ZNF462: variants seen among roughly 807,000 people sequenced by gnomAD.
ZNF462 encodes zinc finger PBX1-interacting protein.
In ZNF462, 10 loss-of-function variants were observed where a neutral mutation model predicts 201.9. That is an observed-to-expected ratio of 0.05 (90% confidence interval 0.03 to 0.08). The LOEUF is 0.08. ZNF462 is among the 10% of genes least tolerant of loss of function. The pLI, the probability that ZNF462 is intolerant of heterozygous loss-of-function variation, is 1.00. For synonymous variants in ZNF462, 1,227 were observed against 1,193.3 expected, an observed-to-expected ratio of 1.03 and a Z score of -0.58; for missense variants, 2,523 against 3,168.3, an observed-to-expected ratio of 0.80 and a Z score of 4.89.
intron 7 of ZNF462, among the ~76,000 whole-genome samples, chr9:106,960,209 A>G (rs2131884990): frequency 1.3e-5 from 2 of 152,192 alleles, no homozygotes; most frequent in South Asian, 4.1e-4. Flanking sequence ...ATATATGCTT[A>G]TACCCAGATG....
Position 107,010,493 on chromosome 9 carries a change from G to A in ZNF462, c.7314-330G>A, listed in dbSNP as rs1418650273. Among the ~76,000 whole-genome samples the A allele has an allele frequency of 6.6e-6, 1 of 152,144 alleles. No individual in the cohort carries two copies. Among genetic ancestry groups the A allele is most frequent in the Admixed American group, 6.6e-5 (1 of 15,266 alleles). On this transcript the variant is annotated intron_variant, in intron 12 of 12. Coordinates refer to ENST00000277225, the MANE Select transcript of ZNF462 (RefSeq NM_021224.6). The surrounding 1 kb of genome is among the most constrained non-coding windows in gnomAD (Gnocchi z 4.6). ...CTCTGAGCATAAGACAATTCTTGCT[G>A]TTACCACTTATGACCCAGTAGAGAA... is the stretch of plus-strand genomic sequence containing the variant.
At chr9:106,903,847 G>T (rs549248141) in intron 1 of ZNF462, among the ~76,000 whole-genome samples, 15 of 152,292 alleles carry the variant, frequency 9.8e-5, no homozygotes, top group African/African-American at 3.4e-4. Flanking sequence ...GCAGCAGATA[G>T]TTGGTTGGTG....
intron 10 of ZNF462, among the ~76,000 whole-genome samples, chr9:106,985,703 C>T (rs1827786621): frequency 6.6e-6 from 1 of 152,068 alleles, no homozygotes; most frequent in Non-Finnish European, 1.5e-5. Context: ...AAATATAGTC[C>T]TTCTTTTCTG....
Position 106,905,732 on chromosome 9 carries a change from C to A in ZNF462, c.-30-17622C>A, listed in dbSNP as rs1175514604. 6.6e-6 allele frequency among the ~76,000 whole-genome samples: 1 copy of A among 152,146 alleles called. No homozygotes were observed. Among genetic ancestry groups the A allele is most frequent in the African/African-American group, 2.4e-5 (1 of 41,430 alleles). On this transcript the variant is annotated intron_variant, in intron 1 of 12. Transcript: ENST00000277225. This position sits in a 1 kb window ranked among gnomAD's most constrained non-coding sequence, Gnocchi z 5.9. ...GCCAGCAGTCATGAAGGGCTGGTCTCACTCTCACCGTGACCCCCGCAACAG... is the reference window on the plus strand; with the variant it reads ...GCCAGCAGTCATGAAGGGCTGGTCTAACTCTCACCGTGACCCCCGCAACAG...
At chr9:106,882,972 G>A (rs1828166274) in intron 1 of ZNF462, among the ~76,000 whole-genome samples, 1 of 152,186 alleles carries the variant, frequency 6.6e-6, no homozygotes, top group African/African-American at 2.4e-5. Flanking sequence ...ACGGAACCAG[G>A]ATGATAGTCA....
Position 107,010,741 on chromosome 9 carries a change from C to G in ZNF462, c.7314-82C>G, listed in dbSNP as rs188913075. 29 of 1,314,862 alleles carry G rather than the reference C, an allele frequency of 2.2e-5. No homozygotes were observed. Among genetic ancestry groups the G allele is most frequent in the Non-Finnish European group, 3.0e-5 (29 of 980,248 alleles). The allele number at this position is 1,314,862 out of a possible 1,614,324, so 81.4% of individuals were successfully genotyped here. On this transcript the variant is annotated intron_variant, in intron 12 of 12. Transcript: ENST00000277225. The surrounding 1 kb of genome is among the most constrained non-coding windows in gnomAD (Gnocchi z 4.6). The stretch of plus-strand genomic sequence containing the variant: ...TGAGGATCAGGAAAATAAAGACACT[C>G]GAGGGTTTTTATTATTTTTTTGTTT...
chr9:106,987,850 G>A (rs996623904), intron 10 of ZNF462, among the ~76,000 whole-genome samples: 2 of 152,150 alleles, frequency 1.3e-5, no homozygotes, highest in African/African-American at 4.8e-5. Flanking sequence ...TAAAGTGAGA[G>A]ATGAGGATCC....
intron 1 of ZNF462, among the ~76,000 whole-genome samples, chr9:106,889,801 C>T (rs1045771506): frequency 6.6e-6 from 1 of 152,160 alleles, no homozygotes; most frequent in Non-Finnish European, 1.5e-5. Flanking sequence ...ATTACCACCA[C>T]CACTAGAAGT....
chr9:106,950,342 A>G lies in ZNF462; in HGVS notation c.6427+11235A>G, dbSNP rs1439719994. Among the ~76,000 whole-genome samples, 1 of 152,204 alleles carries G rather than the reference A, an allele frequency of 6.6e-6. No homozygotes were observed. Among genetic ancestry groups the G allele is most frequent in the Non-Finnish European group, 1.5e-5 (1 of 68,038 alleles). On this transcript the variant is annotated intron_variant, in intron 7 of 12. Transcript: ENST00000277225. This position sits in a 1 kb window ranked among gnomAD's most constrained non-coding sequence, Gnocchi z 4.1. Reference sequence around the variant, plus strand: ...CACAACCAATGTGCTAGAAGTTGCAAATAGCTGCAGTCTATCTTACTTGTC... The same window carrying G: ...CACAACCAATGTGCTAGAAGTTGCAGATAGCTGCAGTCTATCTTACTTGTC...
rs1009937964 is a variant in ZNF462, at chr9:106,932,668, G to A, written c.6116+119G>A. 1 of 1,290,096 alleles carries A rather than the reference G, an allele frequency of 7.8e-7. No homozygotes were observed. 79.9% of individuals were successfully genotyped at this position (1,290,096 alleles called of 1,614,324 possible). On this transcript the variant is annotated intron_variant, in intron 5 of 12. Coordinates refer to ENST00000277225, the MANE Select transcript of ZNF462 (RefSeq NM_021224.6). This position sits in a 1 kb window ranked among gnomAD's most constrained non-coding sequence, Gnocchi z 6.8. ...GCCCCACTCATGGTTCACACCTGCTGCTATGTTACCTGGAGCCTCAGTCAC... is the reference window on the plus strand; with the variant it reads ...GCCCCACTCATGGTTCACACCTGCTACTATGTTACCTGGAGCCTCAGTCAC...
At position 106,928,229 on chromosome 9, in the gene ZNF462, G is replaced by A; in HGVS notation, c.4317G>A (p.Glu1439=). The part of the protein sequence containing the change: ...CENSIPTPFP[E]QEAECPEDAR... The stretch of plus-strand genomic sequence containing the variant: ...ACAGTATACCCACCCCTTTCCCGGA[G>A]CAGGAAGCTGAATGTCCAGAGGATG... The change falls in exon 3 of 13, where the codon GAG becomes GAA. Residue 1439 remains glutamate (E), a synonymous_variant. Transcript: ENST00000277225. This position sits in a 1 kb window ranked among gnomAD's most constrained non-coding sequence, Gnocchi z 9.3. 1 of 1,614,056 alleles carries A rather than the reference G, an allele frequency of 6.2e-7. No homozygotes were observed. The highest frequency in any genetic ancestry group is 8.5e-7 in the Non-Finnish European group (1 of 1,180,010).
chr9:106,910,362 GTTTTTTTT>G (rs1011376719), intron 1 of ZNF462, among the ~76,000 whole-genome samples: 6 of 64,806 alleles, frequency 9.3e-5, no homozygotes, highest in African/African-American at 3.7e-4. Flanking sequence ...CCTTGTTTTA[GTTTTTTTT>G]TTTTTTTTTT....
Position 106,935,677 on chromosome 9 carries a change from TG to T in ZNF462, c.6235+57del, listed in dbSNP as rs1245681030. 2 of 1,383,238 alleles carry T rather than the reference TG, an allele frequency of 1.4e-6. No individual in the cohort carries two copies. Among genetic ancestry groups the T allele is most frequent in the African/African-American group, 2.8e-5 (2 of 70,338 alleles). The allele number at this position is 1,383,238 out of a possible 1,614,324, so 85.7% of individuals were successfully genotyped here. ...TTTAGCACTCTCTGAGTTTGAAACC[TG>T]ATGATCTTTATTGAGTGAAATACTG... On this transcript the variant is annotated intron_variant, in intron 6 of 12. Transcript: ENST00000277225. The surrounding 1 kb of genome is among the most constrained non-coding windows in gnomAD (Gnocchi z 4.1).
chr9:106,977,299 C>A lies in ZNF462; in HGVS notation c.6832+3026C>A, dbSNP rs145947752. Among the ~76,000 whole-genome samples the A allele has an allele frequency of 1.6e-3, 234 of 147,580 alleles. 13 individuals carry two copies. Among genetic ancestry groups the A allele is most frequent in the African/African-American group, 6.2e-3 (229 of 37,126 alleles). ...CCTCTTCCTGCTCTATCCATGACAT[C>A]CTTGGTCTCTCAGGTCCACAGTACA... On this transcript the variant is annotated intron_variant, in intron 9 of 12. Coordinates refer to ENST00000277225, the MANE Select transcript of ZNF462 (RefSeq NM_021224.6). The surrounding 1 kb of genome is among the most constrained non-coding windows in gnomAD (Gnocchi z 4.6).
At chr9:106,877,310 T>C (rs1827876310) in intron 1 of ZNF462, among the ~76,000 whole-genome samples, 1 of 150,890 alleles carries the variant, frequency 6.6e-6, no homozygotes, top group Non-Finnish European at 1.5e-5. Flanking sequence ...TTTTTTTTTT[T>C]TTTTTTTTTT....
intron 10 of ZNF462, among the ~76,000 whole-genome samples, chr9:106,992,010 C>G (rs1221145911): frequency 6.6e-6 from 1 of 151,148 alleles, no homozygotes; most frequent in Non-Finnish European, 1.5e-5. Flanking sequence ...AAGTTATGGA[C>G]AACTAAAAGA....
Position 106,930,887 on chromosome 9 carries a change from T to C in ZNF462, c.6012+198T>C. The C allele has an allele frequency of 3.4e-6, 2 of 589,006 alleles. No individual in the cohort carries two copies. Among genetic ancestry groups the C allele is most frequent in the East Asian group, 3.3e-5 (1 of 30,768 alleles). The allele number at this position is 589,006 out of a possible 1,614,324, so 36.5% of individuals were successfully genotyped here. On this transcript the variant is annotated intron_variant, in intron 4 of 12. Coordinates refer to ENST00000277225, the MANE Select transcript of ZNF462 (RefSeq NM_021224.6). The surrounding 1 kb of genome is among the most constrained non-coding windows in gnomAD (Gnocchi z 5.8). ...TTTCTGTTCAGGGAAAGGTCGAGTT[T>C]CGATCTGGTTTCCTTCCACGCGGAT... is the stretch of plus-strand genomic sequence containing the variant.
intron 7 of ZNF462, among the ~76,000 whole-genome samples, chr9:106,946,003 A>G (rs1433809900): frequency 6.6e-6 from 1 of 152,210 alleles, no homozygotes; most frequent in Admixed American, 6.5e-5. Context: ...TGTGGCTGCT[A>G]TCATCCTTTG....
At chr9:106,944,144 G>A (rs1831003844) in intron 7 of ZNF462, among the ~76,000 whole-genome samples, 1 of 152,178 alleles carries the variant, frequency 6.6e-6, no homozygotes, top group South Asian at 2.1e-4. Flanking sequence ...TCAGCTGTTA[G>A]CAGAGTTGCT....
Sources: allele counts gnomAD v4.1 joint callset (sites outside exome capture counted in the v4.1 genomes callset), GRCh38; gene constraint gnomAD v4.1.1; non-coding constraint Gnocchi (gnomAD v3.1); transcripts MANE v1.5; gene names NCBI Gene and HGNC (gene_info 2026-07-23, HGNC 2026-07-21).